Variants in ZNF420 observed in about 807,000 individuals in gnomAD.
The protein encoded by ZNF420 is ATM and p53-associated KZNF protein.
ZNF420 carries 31 observed loss-of-function variants against 44.7 expected under a neutral mutation model. The observed-to-expected ratio is 0.69, with a 90% confidence interval of 0.52 to 0.94. ZNF420 has a LOEUF of 0.94. Among genes scored for constraint, ZNF420 ranks in the 40% least tolerant of loss-of-function variants. The pLI is 0.00. For synonymous variants in ZNF420, 245 were observed against 267.4 expected (o/e 0.92, Z 0.82); for missense variants, 681 against 827.9 (o/e 0.82, Z 2.18).
At chr19:37,093,033 A>C (rs1969241831) in intron 4 of ZNF420, 1 of 152,098 alleles carries the variant, frequency 6.6e-6, no homozygotes, top group Non-Finnish European at 1.5e-5. Flanking sequence ...TAATAAAAAG[A>C]GATTTACTTA....
At chr19:37,056,075 T>G (rs1967747024) in intron 1 of ZNF420, among the ~76,000 whole-genome samples, 2 of 150,148 alleles carry the variant, frequency 1.3e-5, no homozygotes, top group Non-Finnish European at 3.0e-5. Flanking sequence ...TCTCTCTCTG[T>G]CTCTCACTCT....
At chr19:37,008,785 C>T (rs957212206) in intron 1 of ZNF420, among the ~76,000 whole-genome samples, 1 of 152,202 alleles carries the variant, frequency 6.6e-6, no homozygotes, top group Non-Finnish European at 1.5e-5. Flanking sequence ...CTGCTCTGTC[C>T]TCCCTCTTGC....
chr19:37,091,161 G>A (rs1969122658), intron 4 of ZNF420, 40 bp downstream of exon 4: 1 of 1,481,826 alleles, frequency 6.7e-7, no homozygotes, highest in Non-Finnish European at 9.0e-7. Flanking sequence ...TCTACCTTTG[G>A]ATTGGCTGCT....
chr19:37,095,061 G>A (rs767123420), intron 4 of ZNF420, among the ~76,000 whole-genome samples: 6 of 151,470 alleles, frequency 4.0e-5, no homozygotes. Flanking sequence ...AACCTGGGAG[G>A]CGGAGGTTGC....
chr19:37,038,457 T>C (rs1417645858), intron 1 of ZNF420, among the ~76,000 whole-genome samples: 1 of 152,224 alleles, frequency 6.6e-6, no homozygotes, highest in Non-Finnish European at 1.5e-5. Flanking sequence ...TGCAGCTTGA[T>C]AGCATCTTAC....
intron 1 of ZNF420, among the ~76,000 whole-genome samples, chr19:37,057,547 T>A (rs1183909126): frequency 1.3e-5 from 2 of 152,124 alleles, no homozygotes; most frequent in African/African-American, 4.8e-5. Flanking sequence ...TGTGTTGGGA[T>A]CAATGTGCCC....
chr19:37,127,013 T>A, intron 4 of ZNF420, 115 bp from the exon 5 acceptor site: 1 of 833,598 alleles, frequency 1.2e-6, no homozygotes, highest in Non-Finnish European at 1.7e-6. Flanking sequence ...TAATAATCAA[T>A]ATTTGAAACA....
At chr19:37,039,434 G>C (rs1347568129) in intron 1 of ZNF420, among the ~76,000 whole-genome samples, 2 of 152,184 alleles carry the variant, frequency 1.3e-5, no homozygotes, top group Admixed American at 6.5e-5. Context: ...CTCCGTTAGA[G>C]CTCTTGGGTG....
intron 4 of ZNF420, among the ~76,000 whole-genome samples, chr19:37,111,046 T>G (rs1204388740): frequency 6.6e-6 from 1 of 152,232 alleles, no homozygotes; most frequent in Non-Finnish European, 1.5e-5. Context: ...ATTCGTAATC[T>G]TGCCTGACCA....
intron 1 of ZNF420, among the ~76,000 whole-genome samples, chr19:37,012,664 T>C (rs1324749747): frequency 6.6e-6 from 1 of 152,136 alleles, no homozygotes; most frequent in East Asian, 1.9e-4. Flanking sequence ...TGTGTGCCCG[T>C]GGGCTGCTCT....
At chr19:37,071,737 G>C (rs926512603) in intron 1 of ZNF420, among the ~76,000 whole-genome samples, 4 of 152,110 alleles carry the variant, frequency 2.6e-5, no homozygotes, top group Non-Finnish European at 5.9e-5. Context: ...AGAGGCGGAG[G>C]TTGCAGTGAG....
intron 2 of ZNF420, among the ~76,000 whole-genome samples, chr19:37,082,796 T>C (rs1161602292): frequency 6.6e-6 from 1 of 152,240 alleles, no homozygotes; most frequent in Non-Finnish European, 1.5e-5. Context: ...AGCTGCCAGC[T>C]GGAAATGCAG....
At chr19:37,060,709 G>T (rs998498432) in intron 1 of ZNF420, among the ~76,000 whole-genome samples, 4 of 152,010 alleles carry the variant, frequency 2.6e-5, no homozygotes, top group Non-Finnish European at 4.4e-5. Context: ...CCTCATGTGT[G>T]GGGGGGATTG....
intron 1 of ZNF420, among the ~76,000 whole-genome samples, chr19:37,036,568 C>T (rs1207878930): frequency 3.3e-5 from 5 of 152,148 alleles, no homozygotes; most frequent in East Asian, 1.9e-4. Context: ...TTTGGTCATT[C>T]GTATCCTTTG....
rs536671336 is a variant in ZNF420, at chr19:37,086,809, C to A, written c.-80-2230C>A. ...TTGTGATTAGAGTTTGATGGTGTAT[C>A]TTCCCATTTTACTTTTAGCCCATCT... is the stretch of plus-strand genomic sequence containing the variant. On this transcript the variant is annotated intron_variant, in intron 2 of 4. Transcript: ENST00000337995. 2.0e-5 allele frequency among the ~76,000 whole-genome samples: 3 copies of A among 152,278 alleles called. No homozygotes were observed. In the South Asian group the frequency reaches 6.2e-4, roughly 32 times the overall value.
chr19:37,062,225 T>C (rs893490901), intron 1 of ZNF420, among the ~76,000 whole-genome samples: 2 of 152,202 alleles, frequency 1.3e-5, no homozygotes, highest in African/African-American at 4.8e-5. Flanking sequence ...AAGAAAGAAC[T>C]GTGTAATATA....
intron 4 of ZNF420, among the ~76,000 whole-genome samples, chr19:37,095,348 A>G (rs1003304058): frequency 6.6e-6 from 1 of 152,286 alleles, no homozygotes; most frequent in African/African-American, 2.4e-5. Flanking sequence ...ATTAAAGGAT[A>G]TTGAAATGCT....
intron 4 of ZNF420, among the ~76,000 whole-genome samples, chr19:37,097,629 G>C (rs1311679855): frequency 6.6e-6 from 1 of 152,002 alleles, no homozygotes; most frequent in African/African-American, 2.4e-5. Context: ...TTAATAAAAG[G>C]TCTTAGAATA....
At chr19:37,071,376 G>A (rs1295299647) in intron 1 of ZNF420, among the ~76,000 whole-genome samples, 1 of 152,148 alleles carries the variant, frequency 6.6e-6, no homozygotes, top group Non-Finnish European at 1.5e-5. Context: ...CATAGTTTTG[G>A]AGTAAGTAGC....
Sources: gnomAD v4.1 joint callset for allele counts (sites outside exome capture counted in the v4.1 genomes callset) on GRCh38, gnomAD v4.1.1 for gene constraint, MANE v1.5 for transcripts, NCBI Gene and HGNC (gene_info 2026-07-23, HGNC 2026-07-21) for gene names.